The following ZNF618 variants were observed in gnomAD, a reference collection of about 807,000 sequenced individuals.
ZNF618 encodes the protein zinc finger protein 618.
A neutral mutation model predicts 103.0 loss-of-function variants in ZNF618; 34 were observed. The ratio of observed to expected loss-of-function variants is 0.33; its 90% confidence interval spans 0.25 to 0.44. The LOEUF (loss-of-function observed/expected upper bound fraction) is 0.44, where lower values mean the gene tolerates loss of function less well. ZNF618 is among the 20% of genes least tolerant of loss of function. The pLI is 1.00. For missense variants in ZNF618, 1,059 were observed against 1,295.4 expected, an observed-to-expected ratio of 0.82 and a Z score of 2.80; for synonymous variants, 551 against 542.2, an observed-to-expected ratio of 1.02 and a Z score of -0.23.
chr9:113,889,329 C>CTCTCTT (rs1376971236), intron 1 of ZNF618, among the ~76,000 whole-genome samples: 1 of 150,310 alleles, frequency 6.7e-6, no homozygotes, highest in Non-Finnish European at 1.5e-5. Context: ...CTCTCTCTCT[C>CTCTCTT]TCTCTCTCTC....
intron 1 of ZNF618, among the ~76,000 whole-genome samples, chr9:113,963,564 C>T (rs1162076082): frequency 6.6e-6 from 1 of 152,146 alleles, no homozygotes; most frequent in African/African-American, 2.4e-5. Context: ...GTGGATTTGA[C>T]GTCATCCACC....
chr9:113,912,298 T>G (rs758297104), intron 1 of ZNF618, among the ~76,000 whole-genome samples: 14 of 152,152 alleles, frequency 9.2e-5, no homozygotes, highest in Non-Finnish European at 1.9e-4. Context: ...CACAAAGGGA[T>G]CTCCTCCATT....
At chr9:113,928,556 T>C (rs535532267) in intron 1 of ZNF618, among the ~76,000 whole-genome samples, 2 of 152,364 alleles carry the variant, frequency 1.3e-5, no homozygotes, top group East Asian at 1.9e-4. Flanking sequence ...TGAAGTTTTA[T>C]GTTTATGTGG....
intron 1 of ZNF618, among the ~76,000 whole-genome samples, chr9:113,914,886 A>G (rs968424565): frequency 3.3e-5 from 5 of 152,280 alleles, no homozygotes. Flanking sequence ...TGGCCCCCTC[A>G]TCTTCCCAGC....
intron 1 of ZNF618, among the ~76,000 whole-genome samples, chr9:113,959,258 G>T (rs545381232): frequency 6.6e-6 from 1 of 152,038 alleles, no homozygotes; most frequent in African/African-American, 2.4e-5. Context: ...TTGCACTCCA[G>T]CCTGGGCAAC....
intron 1 of ZNF618, among the ~76,000 whole-genome samples, chr9:113,947,539 C>T (rs886152491): frequency 2.0e-5 from 3 of 152,196 alleles, no homozygotes; most frequent in Admixed American, 2.0e-4. Flanking sequence ...AGACCCCTAC[C>T]GGAACCTTCC....
intron 9 of ZNF618, among the ~76,000 whole-genome samples, chr9:114,014,930 C>G (rs1268151353): frequency 2.0e-5 from 3 of 152,002 alleles, no homozygotes; most frequent in Admixed American, 6.6e-5. Flanking sequence ...GATTTTGATC[C>G]CATGAGCTTT....
At chr9:113,914,507 G>C (rs1031206175) in intron 1 of ZNF618, among the ~76,000 whole-genome samples, 21 of 152,278 alleles carry the variant, frequency 1.4e-4, no homozygotes, top group African/African-American at 4.8e-4. Context: ...CCAATCATTC[G>C]GAGTTGCCGG....
chr9:114,012,880 G>A (rs1010336548), intron 9 of ZNF618, among the ~76,000 whole-genome samples: 1 of 152,072 alleles, frequency 6.6e-6, no homozygotes, highest in African/African-American at 2.4e-5. Flanking sequence ...CTTAGCTAAA[G>A]GAAGACCTGT....
chr9:113,919,764 C>T (rs1351867430), intron 1 of ZNF618, among the ~76,000 whole-genome samples: 2 of 152,228 alleles, frequency 1.3e-5, no homozygotes, highest in Non-Finnish European at 2.9e-5. Flanking sequence ...GTGGGCCAGG[C>T]AAGGAGGGTT....
At chr9:113,952,750 A>G (rs910590919) in intron 1 of ZNF618, among the ~76,000 whole-genome samples, 3 of 152,254 alleles carry the variant, frequency 2.0e-5, no homozygotes, top group African/African-American at 4.8e-5. Context: ...ATGTTCTACC[A>G]CACACTAAGT....
intron 10 of ZNF618, among the ~76,000 whole-genome samples, chr9:114,021,800 A>G (rs772164075): frequency 4.9e-4 from 75 of 152,028 alleles, no homozygotes; most frequent in Non-Finnish European, 7.2e-4. Flanking sequence ...CGTTTCCTAG[A>G]ATTTTACATA....
At position 113,882,300 on chromosome 9, in the gene ZNF618, G is replaced by C. The variant is rs571582623; in HGVS notation, c.33+5887G>C. ...GGTGTGGTTAGCTTTGTGTGACTTCGGGAAAGTCACTCTGGTTCTGGAACC... is the reference window on the plus strand; with the variant it reads ...GGTGTGGTTAGCTTTGTGTGACTTCCGGAAAGTCACTCTGGTTCTGGAACC... On this transcript the variant is annotated intron_variant, in intron 1 of 14. Coordinates refer to ENST00000374126, the MANE Select transcript of ZNF618 (RefSeq NM_001318042.2). Among the ~76,000 whole-genome samples, 4 of 152,248 alleles carry C rather than the reference G, an allele frequency of 2.6e-5. No individual in the cohort carries two copies. In the South Asian group the frequency reaches 8.3e-4, roughly 32 times the overall value.
At chr9:113,964,998 G>GAAA (rs372943322) in intron 1 of ZNF618, among the ~76,000 whole-genome samples, 4 of 108,256 alleles carry the variant, frequency 3.7e-5, no homozygotes, top group African/African-American at 1.4e-4. Flanking sequence ...GCTTCATTCT[G>GAAA]AAAAAAAAAA....
At chr9:113,965,927 G>T (rs1195915220) in intron 1 of ZNF618, among the ~76,000 whole-genome samples, 4 of 152,150 alleles carry the variant, frequency 2.6e-5, no homozygotes, top group East Asian at 3.9e-4. Flanking sequence ...CGGGCTGTGT[G>T]GTCTGGTGGC....
intron 6 of ZNF618, among the ~76,000 whole-genome samples, chr9:114,004,166 A>G (rs1049784784): frequency 1.3e-5 from 2 of 152,240 alleles, no homozygotes; most frequent in African/African-American, 4.8e-5. Context: ...TCCCAGTAGC[A>G]TTTCTTCTAA....
chr9:114,016,854 G>C, intron 10 of ZNF618, 70 bp downstream of exon 10: 1 of 1,284,868 alleles, frequency 7.8e-7, no homozygotes, highest in Non-Finnish European at 1.1e-6. Flanking sequence ...CGTTGGCCAG[G>C]CCTCTGGAAT....
intron 3 of ZNF618, among the ~76,000 whole-genome samples, chr9:113,993,526 A>T (rs2133414127): frequency 6.6e-6 from 1 of 152,338 alleles, no homozygotes; most frequent in East Asian, 1.9e-4. Context: ...CCCGCATCCC[A>T]TTATGGTGGT....
chr9:113,993,671 C>A (rs572736344), intron 3 of ZNF618, among the ~76,000 whole-genome samples: 1 of 152,276 alleles, frequency 6.6e-6, no homozygotes, highest in East Asian at 1.9e-4. Flanking sequence ...AACTGAGTTT[C>A]CTCAGTAGCA....
Sources: allele counts gnomAD v4.1 joint callset (sites outside exome capture counted in the v4.1 genomes callset), GRCh38; gene constraint gnomAD v4.1.1; transcripts MANE v1.5; gene names NCBI Gene and HGNC (gene_info 2026-07-23, HGNC 2026-07-21).